Variants in SCLT1 observed in about 807,000 individuals in gnomAD.
The protein encoded by SCLT1 is sodium channel-associated protein 1.
In SCLT1, 78 loss-of-function variants were observed where a neutral mutation model predicts 112.8. The observed-to-expected ratio is 0.69, with a 90% CI of 0.58 to 0.83. The LOEUF is 0.83. Ranked by LOEUF, SCLT1 falls within the 40% of genes least tolerant of loss-of-function variation. The pLI is 0.00. For synonymous variants in SCLT1, 257 were observed against 254.7 expected, an observed-to-expected ratio of 1.01 and a Z score of -0.09; for missense variants, 747 against 770.4, an observed-to-expected ratio of 0.97 and a Z score of 0.36.
intron 4 of SCLT1, among the ~76,000 whole-genome samples, chr4:129,040,758 G>T (rs1747626565): frequency 6.6e-6 from 1 of 152,098 alleles, no homozygotes; most frequent in South Asian, 2.1e-4. Context: ...TGGAGATATA[G>T]TATTTTTTGA....
chr4:129,013,203 T>C (rs1489894949), intron 5 of SCLT1, among the ~76,000 whole-genome samples: 3 of 152,284 alleles, frequency 2.0e-5, no homozygotes, highest in Middle Eastern at 6.8e-3. Flanking sequence ...TGTAAGTTCT[T>C]ACCATTTAGC....
At chr4:129,062,962 A>C (rs1750125095) in intron 2 of SCLT1, among the ~76,000 whole-genome samples, 1 of 152,108 alleles carries the variant, frequency 6.6e-6, no homozygotes, top group Admixed American at 6.5e-5. Context: ...TCATTTCTTT[A>C]AGCTTTGTGC....
chr4:129,085,794 A>G lies in SCLT1; in HGVS notation c.35-3421T>C, dbSNP rs1217990763. On this transcript the variant is annotated intron_variant, in intron 1 of 20. Transcript: ENST00000281142. ...AACCAAGTACGGCATGTTCTCAATT[A>G]TAAGTGGGAGGTAAATGATGAGAAC... 5.3e-5 allele frequency among the ~76,000 whole-genome samples: 8 copies of G among 152,270 alleles called. No homozygotes were observed. The East Asian group carries it at 9.6e-4, about 18-fold the overall frequency.
rs1753012747 is a variant in SCLT1 at position 129,093,201 on chromosome 4, G to T, written c.-98C>A. The stretch of plus-strand genomic sequence containing the variant: ...GAAAACAAAACTAAGCCAACGCTCG[G>T]TTGGTTGTCAAGCGCTCCAGCGGTG... On this transcript the variant is annotated 5_prime_UTR_variant, in exon 1 of 21. Transcript: ENST00000281142. 8.5e-7 allele frequency: 1 copy of T among 1,177,240 alleles called. No homozygotes were observed. Among genetic ancestry groups the T allele is most frequent in the South Asian group, 1.2e-5 (1 of 82,062 alleles). 72.9% of individuals were successfully genotyped at this position (1,177,240 alleles called of 1,614,324 possible). A position where few individuals can be genotyped will look rare whatever the true frequency, so the allele number is the denominator to read the frequency against.
At chr4:129,039,128 T>C (rs1449512472) in intron 4 of SCLT1, 32 bp from the exon 5 acceptor site, 1 of 1,476,294 alleles carries the variant, frequency 6.8e-7, no homozygotes, top group Non-Finnish European at 9.5e-7. Flanking sequence ...TGGCAATACA[T>C]TTTGCAGACA....
chr4:128,974,042 T>C (rs906536804), intron 9 of SCLT1, among the ~76,000 whole-genome samples: 65 of 152,222 alleles, frequency 4.3e-4, no homozygotes, highest in African/African-American at 1.5e-3. Context: ...TTAGTATCTA[T>C]AAAATGGAGA....
intron 16 of SCLT1, among the ~76,000 whole-genome samples, 165 bp downstream of exon 16, chr4:128,945,835 AGAAATTC>A (rs1270509618): frequency 6.6e-6 from 1 of 152,196 alleles, no homozygotes; most frequent in African/African-American, 2.4e-5. Context: ...TTCTTCCTGC[AGAAATTC>A]GCTTTCAGAA....
chr4:129,024,478 C>A (rs762602178), intron 5 of SCLT1, among the ~76,000 whole-genome samples: 62 of 152,294 alleles, frequency 4.1e-4, no homozygotes, highest in African/African-American at 1.4e-3. Context: ...ACAGACCTGC[C>A]GCTGAGGGTC....
intron 6 of SCLT1, among the ~76,000 whole-genome samples, chr4:129,000,216 G>A (rs1743357586): frequency 6.6e-6 from 1 of 151,822 alleles, no homozygotes; most frequent in Non-Finnish European, 1.5e-5. Context: ...AGAAAAACAG[G>A]AGAAAATCAG....
chr4:129,050,044 C>T (rs910596284), intron 2 of SCLT1, among the ~76,000 whole-genome samples: 1 of 152,128 alleles, frequency 6.6e-6, no homozygotes, highest in African/African-American at 2.4e-5. Context: ...CCAACTTCAT[C>T]CATGTCCCTG....
At chr4:128,903,580 A>G (rs1280900140) in intron 18 of SCLT1, among the ~76,000 whole-genome samples, 1 of 152,174 alleles carries the variant, frequency 6.6e-6, no homozygotes, top group Admixed American at 6.5e-5. Context: ...AGACTTATTT[A>G]TATTCTTCTT....
intron 1 of SCLT1, among the ~76,000 whole-genome samples, chr4:129,091,353 A>G (rs57821290): frequency 0.014 from 2,181 of 151,834 alleles, 48 homozygotes; most frequent in African/African-American, 0.044. Context: ...CTTGTCTTCC[A>G]TGGAACTATT....
chr4:128,950,132 T>C (rs1346603231), intron 14 of SCLT1, among the ~76,000 whole-genome samples: 1 of 152,162 alleles, frequency 6.6e-6, no homozygotes, highest in East Asian at 1.9e-4. Context: ...CACATATTCA[T>C]ATAGTAAGTT....
At chr4:129,003,979 C>A in intron 5 of SCLT1, 103 bp from the exon 6 acceptor site, 1 of 1,003,532 alleles carries the variant, frequency 1.0e-6, no homozygotes. Flanking sequence ...ACTCTTTAAA[C>A]AAAATCATTT....
At chr4:128,964,115 C>G (rs148235373) in intron 11 of SCLT1, among the ~76,000 whole-genome samples, 1 of 152,160 alleles carries the variant, frequency 6.6e-6, no homozygotes, top group African/African-American at 2.4e-5. Flanking sequence ...AAAAGTACTG[C>G]ATGGACCATT....
Position 128,997,873 on chromosome 4 carries a change from C to T in SCLT1, c.615+1G>A. The T allele has an allele frequency of 7.2e-7, 1 of 1,386,466 alleles. No individual in the cohort carries two copies. The highest frequency in any genetic ancestry group is 1.5e-5 in the South Asian group (1 of 68,336). The allele number at this position is 1,386,466 out of a possible 1,614,324, so 85.9% of individuals were successfully genotyped here. On this transcript the variant is annotated splice_donor_variant, in intron 8 of 20. Coordinates refer to ENST00000281142, the MANE Select transcript of SCLT1 (RefSeq NM_144643.4). LOFTEE classifies it high-confidence loss of function. ...TAGTTTATATAAATAAGTATACTTACCACTTCCATGTTCTCATTAGTAACA... is the reference window on the plus strand; with the variant it reads ...TAGTTTATATAAATAAGTATACTTATCACTTCCATGTTCTCATTAGTAACA...
At chr4:129,055,945 A>T (rs1040465498) in intron 2 of SCLT1, among the ~76,000 whole-genome samples, 1 of 152,164 alleles carries the variant, frequency 6.6e-6, no homozygotes, top group African/African-American at 2.4e-5. Flanking sequence ...GCAACAAGGG[A>T]ATCTCCTGAT....
At chr4:128,909,279 C>T (rs1249524664) in intron 18 of SCLT1, among the ~76,000 whole-genome samples, 1 of 152,138 alleles carries the variant, frequency 6.6e-6, no homozygotes, top group African/African-American at 2.4e-5. Flanking sequence ...CAGACAAGGT[C>T]TCGCTCTGTC....
At chr4:128,939,146 C>T (rs1470827753) in intron 17 of SCLT1, among the ~76,000 whole-genome samples, 2 of 152,206 alleles carry the variant, frequency 1.3e-5, no homozygotes. Context: ...AACCTGGTCC[C>T]TGCTTACTTT....
Sources: gnomAD v4.1 joint callset for allele counts (sites outside exome capture counted in the v4.1 genomes callset) on GRCh38, gnomAD v4.1.1 for gene constraint, MANE v1.5 for transcripts, NCBI Gene and HGNC (gene_info 2026-07-23, HGNC 2026-07-21) for gene names.